The following NLRP5 variants were observed in gnomAD, a reference collection of about 807,000 sequenced individuals.
The protein encoded by NLRP5 is NLR family pyrin domain containing 5.
In NLRP5, 93 loss-of-function variants were observed where a neutral mutation model predicts 113.1. The ratio of observed to expected loss-of-function variants is 0.82; its 90% confidence interval spans 0.70 to 0.98. The LOEUF is 0.98. NLRP5 is among the 50% of genes least tolerant of loss of function. The probability of loss-of-function intolerance (pLI) is 0.00; values close to 1 mark genes in which losing one functional copy is unlikely to be tolerated. For missense variants in NLRP5, 1,808 were observed against 1,514.3 expected (o/e 1.19, Z -3.22); for synonymous variants, 751 against 600.7 (o/e 1.25, Z -3.66).
chr19:55,991,660 C>T, the NLRP5 span, among the ~76,000 whole-genome samples: 1 of 152,050 alleles, frequency 6.6e-6, no homozygotes, highest in African/African-American at 2.4e-5. Context: ...AATTTAATAA[C>T]TACATATAAT....
Position 56,046,399 on chromosome 19 carries a change from C to CGTGTGTGT in NLRP5, c.2958-4002_2958-3995dup, listed in dbSNP as rs139653516. Among the ~76,000 whole-genome samples the CGTGTGTGT allele has an allele frequency of 1.2e-3, 172 of 148,180 alleles. No individual in the cohort carries two copies. In the Middle Eastern group the frequency reaches 0.014, roughly 12 times the overall value. On this transcript the variant is annotated intron_variant, in intron 11 of 14. Coordinates refer to ENST00000390649, the MANE Select transcript of NLRP5 (RefSeq NM_153447.4). ...CATCAAGGATATTGCTTTGTAGTTTCGTGTGTGTGTGTGTGTGTGTGTGTT... is the reference window on the plus strand; with the variant it reads ...CATCAAGGATATTGCTTTGTAGTTTCGTGTGTGTGTGTGTGTGTGTGTGTGTGTGTGTT...
intron 10 of NLRP5, among the ~76,000 whole-genome samples, chr19:56,038,982 C>T (rs953306172): frequency 2.0e-5 from 3 of 152,108 alleles, no homozygotes; most frequent in Admixed American, 2.0e-4. Flanking sequence ...GGCCCACTTG[C>T]TTACTGATAA....
Position 56,033,581 on chromosome 19 carries a change from C to G in NLRP5, c.2487C>G (p.Leu829=), listed in dbSNP as rs756263035. Reference sequence around the variant, plus strand: ...AGATTACCCCTGGTGTGCAGCACCTCTGGAGAATCGTCATGGCCAACCGTA... The same window carrying G: ...AGATTACCCCTGGTGTGCAGCACCTGTGGAGAATCGTCATGGCCAACCGTA... Residue 829 remains leucine (L), a synonymous_variant, in exon 9 of 15, where the codon CTC becomes CTG. Coordinates refer to ENST00000390649, the MANE Select transcript of NLRP5 (RefSeq NM_153447.4). 5.0e-6 allele frequency: 8 copies of G among 1,613,764 alleles called. No individual in the cohort carries two copies. The African/African-American group carries it at 9.3e-5, about 19-fold the overall frequency.
intron 8 of NLRP5, among the ~76,000 whole-genome samples, 186 bp downstream of exon 8, chr19:56,032,967 C>T (rs1219057284): frequency 2.0e-5 from 3 of 152,126 alleles, no homozygotes; most frequent in East Asian, 3.9e-4. Context: ...TGTGATCGGC[C>T]GGGCGCAGTG....
At chr19:56,024,377 G>GTA (rs145580586) in intron 6 of NLRP5, among the ~76,000 whole-genome samples, 13,133 of 137,030 alleles carry the variant, frequency 0.096, 732 homozygotes, top group South Asian at 0.23. Flanking sequence ...ATATATATGT[G>GTA]TATATATAAC....
rs372889637 is a variant in NLRP5 at position 56,003,826 on chromosome 19, T to C, written c.173T>C (p.Leu58Pro). The C allele has an allele frequency of 1.2e-5, 19 of 1,613,856 alleles. No homozygotes were observed. The highest frequency in any genetic ancestry group is 1.5e-5 in the Non-Finnish European group (18 of 1,179,900). The stretch of plus-strand genomic sequence containing the variant: ...ATCAAGATGGAAGGAGACAAATCGC[T>C]CACCTTTTCCAGCTACGGGCTGCAA... Residue 58 changes from leucine (L) to proline (P), a missense_variant, in exon 2 of 15, where the codon CTC (leucine) becomes CCC (proline). By Grantham distance (98) the Leu-to-Pro change is moderately conservative. Transcript: ENST00000390649.
intron 1 of NLRP5, among the ~76,000 whole-genome samples, chr19:56,002,539 C>T (rs199841797): frequency 0.042 from 6,126 of 146,304 alleles, 299 homozygotes; most frequent in African/African-American, 0.12. Context: ...TATGTATACA[C>T]GTGCCATGTT....
the NLRP5 span, among the ~76,000 whole-genome samples, chr19:55,994,053 T>TCC: frequency 2.0e-3 from 302 of 152,274 alleles, no homozygotes; most frequent in Middle Eastern, 6.8e-3. Context: ...TACACTGTTT[T>TCC]CCATAATGGC....
At chr19:56,008,693 C>G (rs1431364820) in intron 2 of NLRP5, 95 bp from the exon 3 acceptor site, 1 of 1,070,820 alleles carries the variant, frequency 9.3e-7, no homozygotes, top group Non-Finnish European at 1.4e-6. Context: ...GTCTTGGTTC[C>G]CCTCCATAAT....
intron 8 of NLRP5, 58 bp downstream of exon 8, chr19:56,032,839 C>T (rs1188647004): frequency 2.6e-6 from 4 of 1,510,150 alleles, no homozygotes; most frequent in Non-Finnish European, 3.6e-6. Context: ...CCCAGCTCTC[C>T]CCTACCTCCT....
intron 12 of NLRP5, among the ~76,000 whole-genome samples, chr19:56,051,944 G>A (rs1983945370): frequency 1.3e-5 from 2 of 152,154 alleles, no homozygotes. Flanking sequence ...ACTTCTGAGT[G>A]CCCCCAAGTA....
chr19:56,048,763 C>T (rs1373031197), intron 11 of NLRP5, among the ~76,000 whole-genome samples: 1 of 151,934 alleles, frequency 6.6e-6, no homozygotes, highest in Non-Finnish European at 1.5e-5. Flanking sequence ...ATGTCTAGTT[C>T]TCTAGAAAGG....
chr19:56,011,212 A>T (rs1306452768), intron 3 of NLRP5, among the ~76,000 whole-genome samples: 1 of 152,024 alleles, frequency 6.6e-6, no homozygotes, highest in Non-Finnish European at 1.5e-5. Context: ...GACCTTGAAG[A>T]CACTAGGCTA....
chr19:56,032,543 C>A, intron 7 of NLRP5, 68 bp from the exon 8 acceptor site: 1 of 1,442,404 alleles, frequency 6.9e-7, no homozygotes, highest in Non-Finnish European at 9.5e-7. Context: ...TCTCCTCCGA[C>A]GTGTTGCCAC....
At chr19:56,009,229 A>C (rs1310011590) in intron 3 of NLRP5, among the ~76,000 whole-genome samples, 3 of 150,036 alleles carry the variant, frequency 2.0e-5, no homozygotes, top group African/African-American at 7.4e-5. Context: ...AATCCCAGCT[A>C]CTTGGGAGGT....
chr19:56,027,111 C>T lies in NLRP5; in HGVS notation c.878C>T (p.Ser293Leu), dbSNP rs550879199. The T allele has an allele frequency of 1.4e-5, 22 of 1,580,666 alleles. No individual in the cohort carries two copies. The highest frequency in any genetic ancestry group is 1.8e-5 in the Admixed American group (1 of 54,504). ...CACGGAAAGTCAGGAATTGGGAAATCGGCTCTAGCCAGAAGGATCGTGCTG... is the reference window on the plus strand; with the variant it reads ...CACGGAAAGTCAGGAATTGGGAAATTGGCTCTAGCCAGAAGGATCGTGCTG... Residue 293 changes from serine (S) to leucine (L), a missense_variant, in exon 7 of 15, where the codon TCG becomes TTG. Ser to Leu is a moderately radical substitution (Grantham distance 145). Transcript: ENST00000390649.
chr19:56,046,555 T>G (rs1324074077), intron 11 of NLRP5, among the ~76,000 whole-genome samples: 3 of 152,104 alleles, frequency 2.0e-5, no homozygotes, highest in Non-Finnish European at 4.4e-5. Flanking sequence ...TGTTTTTTTT[T>G]TCTGACACGG....
In NLRP5 at chr19:56,038,085, C is replaced by T. The variant is rs1163160169; in HGVS notation, c.2676C>T (p.Thr892=). 2 of 1,613,974 alleles carry T rather than the reference C, an allele frequency of 1.2e-6. No homozygotes were observed. Among genetic ancestry groups the T allele is most frequent in the South Asian group, 1.1e-5 (1 of 91,078 alleles). ...TGAAGATCTCCCAAATCCTTACGAC[C>T]TCCCCCAGCCTGAAATCTCTGAGCC... The change falls in exon 10 of 15, where the codon ACC becomes ACT. Residue 892 remains threonine, a synonymous_variant. Coordinates refer to ENST00000390649, the MANE Select transcript of NLRP5 (RefSeq NM_153447.4).
intron 2 of NLRP5, 33 bp from the exon 3 acceptor site, chr19:56,008,755 T>G: frequency 6.4e-7 from 1 of 1,574,314 alleles, no homozygotes; most frequent in Non-Finnish European, 8.7e-7. Context: ...GTGACTTCAT[T>G]GAGGCCAGTC....
Sources: gnomAD v4.1 joint callset for allele counts (sites outside exome capture counted in the v4.1 genomes callset) on GRCh38, gnomAD v4.1.1 for gene constraint, MANE v1.5 for transcripts, NCBI Gene and HGNC (gene_info 2026-07-23, HGNC 2026-07-21) for gene names.